The following RORA variants were observed in gnomAD, a reference collection of about 807,000 sequenced individuals.
RORA encodes the protein nuclear receptor ROR-alpha.
A neutral mutation model predicts 69.5 loss-of-function variants in RORA; 7 were observed. The ratio of observed to expected loss-of-function variants is 0.10; its 90% CI spans 0.06 to 0.19. The LOEUF (loss-of-function observed/expected upper bound fraction) is 0.19, where lower values mean the gene tolerates loss of function less well. Ranked by LOEUF, RORA falls within the 10% of genes least tolerant of loss-of-function variation. RORA has a pLI of 1.00. For synonymous variants in RORA, 261 were observed against 240.8 expected (o/e 1.08, Z -0.78); for missense variants, 457 against 663.0 (o/e 0.69, Z 3.41).
chr15:61,137,621 C>A (rs1342098915), intron 1 of RORA, among the ~76,000 whole-genome samples: 1 of 152,202 alleles, frequency 6.6e-6, no homozygotes, highest in African/African-American at 2.4e-5. Context: ...TTCTCCAGAG[C>A]CACAAACACA....
chr15:60,654,775 G>A (rs1379176149), intron 2 of RORA, among the ~76,000 whole-genome samples: 1 of 152,160 alleles, frequency 6.6e-6, no homozygotes, highest in Non-Finnish European at 1.5e-5. Context: ...ACTGGACGAT[G>A]CTACGTCGCT....
chr15:60,715,348 T>C (rs1208632441), intron 1 of RORA, among the ~76,000 whole-genome samples: 2 of 152,206 alleles, frequency 1.3e-5, no homozygotes, highest in East Asian at 3.9e-4. Flanking sequence ...CACAATGATG[T>C]GGCACAGTCA....
chr15:60,961,506 C>T (rs1403254578), intron 1 of RORA, among the ~76,000 whole-genome samples: 1 of 152,148 alleles, frequency 6.6e-6, no homozygotes, highest in Non-Finnish European at 1.5e-5. Flanking sequence ...AAGTCAAGTG[C>T]CGATAATATG....
intron 1 of RORA, among the ~76,000 whole-genome samples, chr15:61,157,534 G>A (rs1285248339): frequency 1.3e-5 from 2 of 152,162 alleles, no homozygotes; most frequent in Non-Finnish European, 2.9e-5. Flanking sequence ...GATCCTCACA[G>A]CCGTTTGTAC....
chr15:60,667,337 A>G (rs2070395512), intron 2 of RORA, among the ~76,000 whole-genome samples: 2 of 152,200 alleles, frequency 1.3e-5, no homozygotes, highest in African/African-American at 4.8e-5. Context: ...TGTCACTAAC[A>G]ACTTTATATG....
chr15:60,975,990 C>G (rs1043814893), intron 1 of RORA, among the ~76,000 whole-genome samples: 1 of 152,228 alleles, frequency 6.6e-6, no homozygotes, highest in Non-Finnish European at 1.5e-5. Context: ...ATCTCTTCTC[C>G]TCACCTACCA....
At chr15:60,969,640 T>C (rs1219846999) in intron 1 of RORA, among the ~76,000 whole-genome samples, 4 of 152,096 alleles carry the variant, frequency 2.6e-5, no homozygotes. Context: ...GACAGCCTGA[T>C]CATCATTATC....
chr15:61,123,065 C>T (rs1161128046), intron 1 of RORA, among the ~76,000 whole-genome samples: 1 of 152,084 alleles, frequency 6.6e-6, no homozygotes, highest in Non-Finnish European at 1.5e-5. Context: ...GCTTTATCGC[C>T]CAGAGCCCAT....
At chr15:61,041,127 C>T (rs1595907583) in intron 1 of RORA, 3 of 152,258 alleles carry the variant, frequency 2.0e-5, no homozygotes, top group Admixed American at 2.0e-4. Context: ...AACAGATCCT[C>T]CAGAAGCCTG....
intron 1 of RORA, among the ~76,000 whole-genome samples, chr15:61,227,373 G>A (rs1267483680): frequency 6.6e-6 from 1 of 152,090 alleles, no homozygotes; most frequent in African/African-American, 2.4e-5. Context: ...CCGAGCTAGC[G>A]GCAGGTCCAG....
At chr15:60,523,727 A>G (rs532382939) in intron 3 of RORA, among the ~76,000 whole-genome samples, 1 of 152,328 alleles carries the variant, frequency 6.6e-6, no homozygotes, top group East Asian at 1.9e-4. Flanking sequence ...GCTGGAGTGC[A>G]ATGGAGTGAC....
chr15:60,814,967 G>T (rs559666077), intron 1 of RORA, among the ~76,000 whole-genome samples: 62 of 152,276 alleles, frequency 4.1e-4, no homozygotes, highest in Middle Eastern at 6.8e-3. Context: ...CTAGGCACTA[G>T]GTGAATCTGA....
At chr15:60,878,310 C>T (rs1481498367) in intron 1 of RORA, among the ~76,000 whole-genome samples, 1 of 141,546 alleles carries the variant, frequency 7.1e-6, no homozygotes, top group Non-Finnish European at 1.5e-5. Flanking sequence ...CGGCATTGCA[C>T]TCCAGCCTGG....
At chr15:60,929,017 T>C (rs1363470529) in intron 1 of RORA, among the ~76,000 whole-genome samples, 1 of 152,154 alleles carries the variant, frequency 6.6e-6, no homozygotes, top group Non-Finnish European at 1.5e-5. Context: ...GACACACTTG[T>C]GTGCCCCGCT....
At chr15:61,214,485 C>G (rs546174446) in intron 1 of RORA, among the ~76,000 whole-genome samples, 197 of 152,238 alleles carry the variant, frequency 1.3e-3, no homozygotes, top group African/African-American at 4.6e-3. Context: ...ATTATATATA[C>G]GAAAGTTAAA....
At chr15:60,846,459 A>C (rs79197370) in intron 1 of RORA, among the ~76,000 whole-genome samples, 2,003 of 152,326 alleles carry the variant, frequency 0.013, 25 homozygotes, top group Non-Finnish European at 0.02. Context: ...GGAAGGACTC[A>C]TACTAATGTG....
rs1187382897 is a variant in RORA at position 60,491,516 on chromosome 15, T to G, written c.*5939A>C. On this transcript the variant is annotated 3_prime_UTR_variant, in exon 11 of 11. Coordinates refer to ENST00000335670, the MANE Select transcript of RORA (RefSeq NM_134261.3). ...TTATGTTGCATCACTGACAAAAGGT[T>G]GTTTCTATTTGGATTGAATATTCTG... 4 of 152,038 alleles carry G rather than the reference T, an allele frequency of 2.6e-5. No homozygotes were observed. Among genetic ancestry groups the G allele is most frequent in the African/African-American group, 9.7e-5 (4 of 41,404 alleles). 9.4% of individuals were successfully genotyped at this position (152,038 alleles called of 1,614,324 possible). A position where few individuals can be genotyped will look rare whatever the true frequency, so the allele number is the denominator to read the frequency against.
chr15:60,661,169 T>C (rs552674645), intron 2 of RORA, among the ~76,000 whole-genome samples: 1 of 152,006 alleles, frequency 6.6e-6, no homozygotes, highest in Admixed American at 6.5e-5. Context: ...GCTCATTAGC[T>C]ACCTTTATAT....
chr15:60,704,697 C>A (rs146146443), intron 1 of RORA, among the ~76,000 whole-genome samples: 1 of 152,172 alleles, frequency 6.6e-6, no homozygotes, highest in Non-Finnish European at 1.5e-5. Flanking sequence ...ACTTCAAATG[C>A]GTAATCTAGG....
Sources: allele counts gnomAD v4.1 joint callset (sites outside exome capture counted in the v4.1 genomes callset), GRCh38; gene constraint gnomAD v4.1.1; transcripts MANE v1.5; gene names NCBI Gene and HGNC (gene_info 2026-07-23, HGNC 2026-07-21).